Variants in HECW1 observed in about 807,000 individuals in gnomAD.
HECW1 encodes E3 ubiquitin-protein ligase HECW1.
In HECW1, 61 loss-of-function variants were observed where a neutral mutation model predicts 182.3. That is an observed-to-expected ratio of 0.33 (90% confidence interval 0.27 to 0.41). HECW1 has a LOEUF of 0.41. Ranked by LOEUF, HECW1 falls within the 10% of genes least tolerant of loss-of-function variation. The pLI is 1.00. For missense variants in HECW1, 1,739 were observed against 2,108.9 expected, an observed-to-expected ratio of 0.82 and a Z score of 3.44; for synonymous variants, 859 against 832.6, an observed-to-expected ratio of 1.03 and a Z score of -0.55.
chr7:43,353,900 A>G (rs775420879), intron 5 of HECW1, among the ~76,000 whole-genome samples: 13 of 152,168 alleles, frequency 8.5e-5, no homozygotes, highest in Non-Finnish European at 1.8e-4. Flanking sequence ...CAAAGGAGAC[A>G]CTAAATCAGA....
intron 6 of HECW1, among the ~76,000 whole-genome samples, chr7:43,361,374 G>T (rs1199264801): frequency 6.6e-6 from 1 of 151,972 alleles, no homozygotes; most frequent in African/African-American, 2.4e-5. Flanking sequence ...ATTTCTTTTA[G>T]TCTTGTAAAT....
chr7:43,350,875 G>T (rs1180285552), intron 5 of HECW1, among the ~76,000 whole-genome samples: 4 of 152,194 alleles, frequency 2.6e-5, no homozygotes, highest in Non-Finnish European at 5.9e-5. Context: ...GTAAATCAGG[G>T]ATTTCTTCTT....
chr7:43,117,793 A>T (rs542871410), intron 2 of HECW1: 2 of 152,362 alleles, frequency 1.3e-5, no homozygotes, highest in South Asian at 4.1e-4. Flanking sequence ...GAATGATAAT[A>T]ATGCAATTAC....
intron 2 of HECW1, chr7:43,151,125 C>T (rs1032644517): frequency 6.5e-6 from 1 of 152,702 alleles, no homozygotes; most frequent in African/African-American, 2.4e-5. Flanking sequence ...CCCGTGGTCC[C>T]AAGACAGAGG....
chr7:43,476,227 C>T (rs562449243), intron 16 of HECW1, among the ~76,000 whole-genome samples: 8 of 152,178 alleles, frequency 5.3e-5, no homozygotes, highest in Admixed American at 5.2e-4. Flanking sequence ...TCCTGAGTAC[C>T]AGCAATGAAG....
At position 43,202,654 on chromosome 7, in the gene HECW1, A is replaced by G. The variant is rs182101575; in HGVS notation, c.-31-41221A>G. On this transcript the variant is annotated intron_variant, in intron 2 of 29. Coordinates refer to ENST00000395891, the MANE Select transcript of HECW1 (RefSeq NM_015052.5). ...ACGCCCAGCTAATTTTTGTGTTTTT[A>G]GTAGAGATGGGGTTTCACCATGTTG... is the stretch of plus-strand genomic sequence containing the variant. Among the ~76,000 whole-genome samples, 99 of 152,088 alleles carry G rather than the reference A, an allele frequency of 6.5e-4. 1 individual carries two copies. The highest frequency in any genetic ancestry group is 2.3e-3 in the African/African-American group (96 of 41,498).
intron 26 of HECW1, among the ~76,000 whole-genome samples, chr7:43,550,130 GA>G (rs1295426056): frequency 6.6e-6 from 1 of 151,622 alleles, no homozygotes; most frequent in Non-Finnish European, 1.5e-5. Flanking sequence ...GAAGAAGAAA[GA>G]AAAAAAATTA....
intron 24 of HECW1, among the ~76,000 whole-genome samples, chr7:43,526,069 T>A (rs186543779): frequency 6.6e-6 from 1 of 152,316 alleles, no homozygotes; most frequent in East Asian, 1.9e-4. Flanking sequence ...TTATACTGAT[T>A]TAGTATTTTA....
chr7:43,558,355 C>T (rs1209921733), intron 29 of HECW1, among the ~76,000 whole-genome samples: 2 of 152,094 alleles, frequency 1.3e-5, no homozygotes, highest in East Asian at 1.9e-4. Flanking sequence ...AAGTTGCAAA[C>T]GAAATTCTAA....
intron 5 of HECW1, among the ~76,000 whole-genome samples, chr7:43,322,604 C>A (rs536479539): frequency 1.7e-3 from 266 of 152,284 alleles, no homozygotes; most frequent in Non-Finnish European, 3.0e-3. Context: ...TCATGTTGAC[C>A]TCTCCCATTA....
intron 8 of HECW1, among the ~76,000 whole-genome samples, chr7:43,417,202 C>G (rs1442918040): frequency 6.6e-6 from 1 of 152,164 alleles, no homozygotes; most frequent in Admixed American, 6.5e-5. Context: ...AGGCACCCAC[C>G]ACCACGCCCA....
chr7:43,341,369 A>G (rs2152800472), intron 5 of HECW1, among the ~76,000 whole-genome samples: 1 of 151,792 alleles, frequency 6.6e-6, no homozygotes, highest in East Asian at 1.9e-4. Context: ...GTCATTTTAC[A>G]TATTGGTTCG....
intron 8 of HECW1, among the ~76,000 whole-genome samples, chr7:43,428,991 GATATATAATATACAA>G (rs1271681970): frequency 2.0e-5 from 3 of 150,716 alleles, no homozygotes; most frequent in East Asian, 1.9e-4. Flanking sequence ...AATACGTACA[GATATATAATATACAA>G]ATATATAATA....
At chr7:43,245,227 A>G (rs1799275728) in intron 3 of HECW1, 1 of 151,994 alleles carries the variant, frequency 6.6e-6, no homozygotes, top group Non-Finnish European at 1.5e-5. Flanking sequence ...CATTTTCACA[A>G]CTCAGAGCTC....
chr7:43,277,600 T>C (rs1312355746), intron 3 of HECW1, among the ~76,000 whole-genome samples: 1 of 152,092 alleles, frequency 6.6e-6, no homozygotes, highest in Non-Finnish European at 1.5e-5. Flanking sequence ...GCAGCTTCTC[T>C]CTCCCTCAGT....
chr7:43,360,787 G>A lies in HECW1; in HGVS notation c.461-99G>A, dbSNP rs184106622. 292 of 868,318 alleles carry A rather than the reference G, an allele frequency of 3.4e-4. No homozygotes were observed. The African/African-American group carries it at 4.5e-3, about 13-fold the overall frequency. The allele number at this position is 868,318 out of a possible 1,614,324, so 53.8% of individuals were successfully genotyped here. A position where few individuals can be genotyped will look rare whatever the true frequency, so the allele number is the denominator to read the frequency against. On this transcript the variant is annotated intron_variant, in intron 5 of 29. Transcript: ENST00000395891. ...AGTGTGGCCTGGCTTGCTCGTGGGGGAATTATGTTGCAGTTCTTAGAGATG... is the reference window on the plus strand; with the variant it reads ...AGTGTGGCCTGGCTTGCTCGTGGGGAAATTATGTTGCAGTTCTTAGAGATG...
At chr7:43,250,797 T>C (rs1799945037) in intron 3 of HECW1, among the ~76,000 whole-genome samples, 1 of 152,172 alleles carries the variant, frequency 6.6e-6, no homozygotes, top group Admixed American at 6.5e-5. Context: ...AAACAGGCAA[T>C]TTTATGTAAA....
chr7:43,441,383 T>G (rs1251055508), intron 9 of HECW1, among the ~76,000 whole-genome samples: 1 of 152,162 alleles, frequency 6.6e-6, no homozygotes, highest in Admixed American at 6.5e-5. Flanking sequence ...CAGGTGCCAT[T>G]CTGTAGCGCC....
chr7:43,165,496 T>C (rs1258267626), intron 2 of HECW1, among the ~76,000 whole-genome samples: 1 of 152,152 alleles, frequency 6.6e-6, no homozygotes, highest in Non-Finnish European at 1.5e-5. Context: ...ATTCAATCAA[T>C]TATCCGTGAA....
Sources: gnomAD v4.1 joint callset for allele counts (sites outside exome capture counted in the v4.1 genomes callset) on GRCh38, gnomAD v4.1.1 for gene constraint, MANE v1.5 for transcripts, NCBI Gene and HGNC (gene_info 2026-07-23, HGNC 2026-07-21) for gene names.